Variants in CDH6 observed in about 807,000 individuals in gnomAD.
The protein encoded by CDH6 is cadherin 6.
CDH6 carries 31 observed loss-of-function variants against 78.0 expected under a neutral mutation model. The observed-to-expected ratio is 0.40, with a 90% CI of 0.30 to 0.54. The LOEUF (loss-of-function observed/expected upper bound fraction) is 0.54, where lower values mean the gene tolerates loss of function less well. CDH6 is among the 20% of genes least tolerant of loss of function. The pLI, the probability that CDH6 is intolerant of heterozygous loss-of-function variation, is 0.56. For synonymous variants in CDH6, 376 were observed against 368.8 expected (o/e 1.02, Z -0.23); for missense variants, 724 against 975.9 (o/e 0.74, Z 3.44).
intron 1 of CDH6, among the ~76,000 whole-genome samples, chr5:31,242,113 A>G (rs1344476724): frequency 1.3e-5 from 2 of 152,194 alleles, no homozygotes; most frequent in East Asian, 1.9e-4. Context: ...TCAACATTCA[A>G]TTAAATGGAC....
At chr5:31,306,302 G>A (rs1009925475) in intron 7 of CDH6, among the ~76,000 whole-genome samples, 2 of 152,132 alleles carry the variant, frequency 1.3e-5, no homozygotes, top group African/African-American at 4.8e-5. Context: ...TGTATGCTAC[G>A]TAAACTAATT....
chr5:31,213,759 T>C (rs1740784705), intron 1 of CDH6, among the ~76,000 whole-genome samples: 1 of 152,134 alleles, frequency 6.6e-6, no homozygotes, highest in Admixed American at 6.6e-5. Context: ...AATAGCACAT[T>C]GCCCTCTTCC....
At position 31,267,605 on chromosome 5, in the gene CDH6, C is replaced by A; in HGVS notation, c.132C>A (p.Ser44Arg). The part of the protein sequence containing the change: ...KKRALELSGN[S>R]KNELNRSKRS... ...GGGCCCTGGAGCTCTCTGGAAACAGCAAAAATGAGCTGAACCGTTCAAAAA... is the reference window on the plus strand; with the variant it reads ...GGGCCCTGGAGCTCTCTGGAAACAGAAAAAATGAGCTGAACCGTTCAAAAA... Residue 44 changes from serine (S) to arginine (R), a missense_variant, in exon 2 of 12, where the codon AGC becomes AGA. Physicochemically the swap from Ser to Arg is moderately radical, Grantham distance 110. Around this residue, in one of 3 missense-constraint regions of CDH6, gnomAD observed 58 missense variants for 50.8 expected, o/e 1.14. Transcript: ENST00000265071. 6.2e-7 allele frequency: 1 copy of A among 1,614,092 alleles called. No individual in the cohort carries two copies. The highest frequency in any genetic ancestry group is 8.5e-7 in the Non-Finnish European group (1 of 1,180,006).
chr5:31,209,354 T>G (rs901739515), intron 1 of CDH6, among the ~76,000 whole-genome samples: 79 of 152,260 alleles, frequency 5.2e-4, no homozygotes, highest in African/African-American at 1.6e-3. Context: ...TTCTCTTGCT[T>G]AAAGCCTTCC....
intron 5 of CDH6, 70 bp from the exon 6 acceptor site, chr5:31,302,041 G>GGTTTTGTT: frequency 9.8e-7 from 1 of 1,016,174 alleles, no homozygotes; most frequent in Non-Finnish European, 1.4e-6. Context: ...TTAGAGAATA[G>GGTTTTGTT]GTTTTGTTTT....
At chr5:31,311,536 C>G (rs1272327654) in intron 7 of CDH6, among the ~76,000 whole-genome samples, 1 of 152,150 alleles carries the variant, frequency 6.6e-6, no homozygotes, top group Non-Finnish European at 1.5e-5. Flanking sequence ...TATAGCAGTC[C>G]CCCACTTTCC....
chr5:31,312,100 G>C (rs1272724431), intron 7 of CDH6, among the ~76,000 whole-genome samples: 2 of 152,156 alleles, frequency 1.3e-5, no homozygotes, highest in African/African-American at 4.8e-5. Context: ...ACTGATTTAA[G>C]TGATGTAAGT....
chr5:31,262,684 C>T lies in CDH6; in HGVS notation c.-128-4662C>T, dbSNP rs528719773. Among the ~76,000 whole-genome samples the T allele has an allele frequency of 1.1e-4, 16 of 152,308 alleles. No individual in the cohort carries two copies. In the South Asian group the frequency reaches 3.3e-3, roughly 32 times the overall value. ...CTACTTCGTTTTGCTTTTCCTCCCT[C>T]CCACCATCTAGTCTTCAGGTATTTT... On this transcript the variant is annotated intron_variant, in intron 1 of 11. Coordinates refer to ENST00000265071, the MANE Select transcript of CDH6 (RefSeq NM_004932.4).
intron 2 of CDH6, among the ~76,000 whole-genome samples, chr5:31,281,887 A>T (rs2149940858): frequency 6.6e-6 from 1 of 152,240 alleles, no homozygotes; most frequent in Admixed American, 6.5e-5. Context: ...CTTTGGGTAA[A>T]TTACTTAATC....
rs762159696 is a variant in CDH6, at chr5:31,317,848, G to A, written c.1806G>A (p.Ala602=). The A allele has an allele frequency of 2.5e-6, 4 of 1,613,958 alleles. No homozygotes were observed. Among genetic ancestry groups the A allele is most frequent in the South Asian group, 1.1e-5 (1 of 91,074 alleles). ...DHHGNMQSCH[A]EALIHPTGLS... ...ACGGGAACATGCAATCCTGCCATGC[G>A]GAGGCGCTCATCCACCCCACGGGAC... Residue 602 remains alanine, a synonymous_variant, in exon 11 of 12, where the codon GCG becomes GCA. Coordinates refer to ENST00000265071, the MANE Select transcript of CDH6 (RefSeq NM_004932.4).
chr5:31,229,282 G>A (rs1004585824), intron 1 of CDH6, among the ~76,000 whole-genome samples: 2 of 152,296 alleles, frequency 1.3e-5, no homozygotes, highest in Admixed American at 6.5e-5. Flanking sequence ...TTACTACCCT[G>A]GCTAACAGAC....
In CDH6 at chr5:31,327,352, A is replaced by G. The variant is rs982566074; in HGVS notation, c.*4044A>G. Reference sequence around the variant, plus strand: ...AATAAATTATTTTATCCTAATAACTAGTTTTGAAGCAGTGTAATTACTCTG... The same window carrying G: ...AATAAATTATTTTATCCTAATAACTGGTTTTGAAGCAGTGTAATTACTCTG... On this transcript the variant is annotated 3_prime_UTR_variant, in exon 12 of 12. Transcript: ENST00000265071. 1.0e-5 allele frequency: 2 copies of G among 192,696 alleles called. No individual in the cohort carries two copies. Among genetic ancestry groups the G allele is most frequent in the Non-Finnish European group, 2.2e-5 (2 of 92,230 alleles). 11.9% of individuals were successfully genotyped at this position (192,696 alleles called of 1,614,324 possible).
rs971908875 is a variant in CDH6, at chr5:31,324,087, AT to A, written c.*782del. 4 of 222,080 alleles carry A rather than the reference AT, an allele frequency of 1.8e-5. No homozygotes were observed. The highest frequency in any genetic ancestry group is 6.7e-5 in the African/African-American group (3 of 44,808). 13.8% of individuals were successfully genotyped at this position (222,080 alleles called of 1,614,324 possible). ...ACCAAGGAAATATATTTTACCATAC[AT>A]TTAAAGTTTTGGCCACCACATGTAT... On this transcript the variant is annotated 3_prime_UTR_variant, in exon 12 of 12. Coordinates refer to ENST00000265071, the MANE Select transcript of CDH6 (RefSeq NM_004932.4).
chr5:31,280,323 C>T (rs1463687764), intron 2 of CDH6, among the ~76,000 whole-genome samples: 1 of 152,166 alleles, frequency 6.6e-6, no homozygotes, highest in Non-Finnish European at 1.5e-5. Context: ...TTATAAAATG[C>T]TGTCACATGT....
chr5:31,270,066 G>GA (rs1336096857), intron 2 of CDH6, among the ~76,000 whole-genome samples: 1 of 152,010 alleles, frequency 6.6e-6, no homozygotes, highest in Non-Finnish European at 1.5e-5. Flanking sequence ...AAAAATAATA[G>GA]AAAAAAATAC....
At chr5:31,248,543 G>A (rs1291847185) in intron 1 of CDH6, among the ~76,000 whole-genome samples, 1 of 152,102 alleles carries the variant, frequency 6.6e-6, no homozygotes, top group Non-Finnish European at 1.5e-5. Flanking sequence ...ACTTGTTTTA[G>A]ACTCTAATTA....
intron 6 of CDH6, among the ~76,000 whole-genome samples, chr5:31,303,186 G>T (rs1046609800): frequency 3.0e-4 from 45 of 152,150 alleles, no homozygotes; most frequent in Admixed American, 2.2e-3. Flanking sequence ...GCCAGACATT[G>T]CTCTAGGTGC....
At chr5:31,231,811 G>A (rs541349367) in intron 1 of CDH6, among the ~76,000 whole-genome samples, 1 of 152,314 alleles carries the variant, frequency 6.6e-6, no homozygotes, top group East Asian at 1.9e-4. Flanking sequence ...AAGTTTTGGA[G>A]GGGATAAATA....
chr5:31,308,595 G>A (rs886699513), intron 7 of CDH6, among the ~76,000 whole-genome samples: 20 of 151,696 alleles, frequency 1.3e-4, no homozygotes, highest in African/African-American at 4.9e-4. Context: ...AAACAAGCAA[G>A]GCTTGTGTAC....
Sources: gnomAD v4.1 joint callset for allele counts (sites outside exome capture counted in the v4.1 genomes callset) on GRCh38, gnomAD v4.1.1 for gene constraint, gnomAD v4.1.1 regional missense constraint, MANE v1.5 for transcripts, NCBI Gene and HGNC (gene_info 2026-07-23, HGNC 2026-07-21) for gene names.